The following SEMA3D variants were observed in gnomAD, a reference collection of about 807,000 sequenced individuals.
The protein encoded by SEMA3D is semaphorin-3D.
SEMA3D carries 84 observed loss-of-function variants against 100.1 expected under a neutral mutation model. The ratio of observed to expected loss-of-function variants is 0.84; its 90% confidence interval spans 0.70 to 1.01. The LOEUF (loss-of-function observed/expected upper bound fraction) is 1.01, where lower values mean the gene tolerates loss of function less well. Among genes scored for constraint, SEMA3D ranks in the 50% least tolerant of loss-of-function variants. SEMA3D has a pLI of 0.00. For synonymous variants in SEMA3D, 312 were observed against 320.7 expected (o/e 0.97, Z 0.29); for missense variants, 875 against 934.1 (o/e 0.94, Z 0.82).
intron 1 of SEMA3D, among the ~76,000 whole-genome samples, chr7:85,180,651 T>C (rs982837009): frequency 6.6e-6 from 1 of 152,242 alleles, no homozygotes; most frequent in African/African-American, 2.4e-5. Flanking sequence ...TTACATGGTA[T>C]GGACATTTTT....
At position 84,997,354 on chromosome 7, in the gene SEMA3D, CTA is replaced by C. The variant is rs1003609263; in HGVS notation, c.*2084_*2085del. ...TTCCCACTTAATTGCTTTGAGCTCGCTATGAGTTCCTGGAATATTTTGTCCAA... is the reference window on the plus strand; with the variant it reads ...TTCCCACTTAATTGCTTTGAGCTCGCTGAGTTCCTGGAATATTTTGTCCAA... On this transcript the variant is annotated 3_prime_UTR_variant, in exon 19 of 19. Transcript: ENST00000284136. 5 of 151,954 alleles carry C rather than the reference CTA, an allele frequency of 3.3e-5. No individual in the cohort carries two copies. Among genetic ancestry groups the C allele is most frequent in the African/African-American group, 1.2e-4 (5 of 41,400 alleles). 9.4% of individuals were successfully genotyped at this position (151,954 alleles called of 1,614,324 possible).
At chr7:85,067,142 C>A (rs1791651368) in intron 7 of SEMA3D, among the ~76,000 whole-genome samples, 1 of 152,024 alleles carries the variant, frequency 6.6e-6, no homozygotes, top group African/African-American at 2.4e-5. Flanking sequence ...TATAAAATTG[C>A]AAGTATTTGA....
At chr7:85,056,825 C>T (rs1791330790) in intron 8 of SEMA3D, among the ~76,000 whole-genome samples, 1 of 148,308 alleles carries the variant, frequency 6.7e-6, no homozygotes, top group Non-Finnish European at 1.5e-5. Flanking sequence ...GGAAAAATAT[C>T]CATGCTTTTT....
chr7:85,133,630 C>T (rs1789785458), intron 2 of SEMA3D, among the ~76,000 whole-genome samples: 2 of 151,992 alleles, frequency 1.3e-5, no homozygotes, highest in African/African-American at 4.8e-5. Context: ...AGGGATTGCT[C>T]AGCCTACTGG....
intron 1 of SEMA3D, among the ~76,000 whole-genome samples, chr7:85,156,461 A>T (rs1790600652): frequency 6.6e-6 from 1 of 152,160 alleles, no homozygotes; most frequent in Non-Finnish European, 1.5e-5. Flanking sequence ...AGAATTCTAG[A>T]GCTTGATTCT....
At chr7:85,045,443 G>T (rs1790981201) in intron 9 of SEMA3D, among the ~76,000 whole-genome samples, 1 of 151,748 alleles carries the variant, frequency 6.6e-6, no homozygotes, top group Non-Finnish European at 1.5e-5. Flanking sequence ...CTATATAGTG[G>T]CTCTGTCATA....
intron 3 of SEMA3D, among the ~76,000 whole-genome samples, chr7:85,102,141 C>A (rs1489022038): frequency 6.6e-6 from 1 of 151,856 alleles, no homozygotes; most frequent in Non-Finnish European, 1.5e-5. Flanking sequence ...AAATGTTAAA[C>A]CTTTCAAATA....
At chr7:85,114,203 A>G (rs1305624137) in intron 3 of SEMA3D, among the ~76,000 whole-genome samples, 1 of 152,168 alleles carries the variant, frequency 6.6e-6, no homozygotes, top group Non-Finnish European at 1.5e-5. Flanking sequence ...CACAAAATTA[A>G]TGGTAATTTT....
chr7:85,199,291 G>C, the SEMA3D span, among the ~76,000 whole-genome samples: 1 of 150,556 alleles, frequency 6.6e-6, no homozygotes, highest in Non-Finnish European at 1.5e-5. Flanking sequence ...AGATTATGTT[G>C]CTTAAGTCTT....
At position 85,068,923 on chromosome 7, in the gene SEMA3D, T is replaced by C. The variant is rs138279940; in HGVS notation, c.496-639A>G. 2.8e-3 allele frequency among the ~76,000 whole-genome samples: 429 copies of C among 152,244 alleles called. 1 individual carries two copies. The highest frequency in any genetic ancestry group is 9.8e-3 in the African/African-American group (408 of 41,560). On this transcript the variant is annotated intron_variant, in intron 6 of 18. Transcript: ENST00000284136. The stretch of plus-strand genomic sequence containing the variant: ...TTGGCTGAAACATCTATTTTTATAA[T>C]AGTGACCACAGACAGAATGACATTG...
At chr7:85,071,114 C>T (rs1256802539) in intron 6 of SEMA3D, among the ~76,000 whole-genome samples, 1 of 152,198 alleles carries the variant, frequency 6.6e-6, no homozygotes, top group South Asian at 2.1e-4. Flanking sequence ...CCCCCCTCAG[C>T]AGGTTGCGAG....
intron 12 of SEMA3D, among the ~76,000 whole-genome samples, chr7:85,033,471 T>C (rs1790601549): frequency 6.6e-6 from 1 of 152,110 alleles, no homozygotes; most frequent in Admixed American, 6.6e-5. Context: ...TTGTAAAGCA[T>C]CTTAACTTAC....
chr7:85,090,492 C>A lies in SEMA3D; in HGVS notation c.312+7313G>T, dbSNP rs1029995952. 2.0e-5 allele frequency among the ~76,000 whole-genome samples: 3 copies of A among 152,096 alleles called. No homozygotes were observed. In the South Asian group the frequency reaches 6.2e-4, roughly 32 times the overall value. Reference sequence around the variant, plus strand: ...AGCAAAAGTTAATTTATTAGGATGTCCACATGCTTTCCAAGTATTTCTATT... The same window carrying A: ...AGCAAAAGTTAATTTATTAGGATGTACACATGCTTTCCAAGTATTTCTATT... On this transcript the variant is annotated intron_variant, in intron 4 of 18. Coordinates refer to ENST00000284136, the MANE Select transcript of SEMA3D (RefSeq NM_001384900.1).
chr7:85,146,868 T>C (rs1198082315), intron 2 of SEMA3D, among the ~76,000 whole-genome samples: 1 of 151,836 alleles, frequency 6.6e-6, no homozygotes, highest in Non-Finnish European at 1.5e-5. Flanking sequence ...AGTAGCAAAT[T>C]TAATATGAAC....
At chr7:85,045,874 T>A (rs1790993994) in intron 9 of SEMA3D, among the ~76,000 whole-genome samples, 1 of 151,956 alleles carries the variant, frequency 6.6e-6, no homozygotes. Context: ...CATTTTTTTA[T>A]CAGCTTTCTA....
At chr7:85,158,279 T>C (rs1432780716) in intron 1 of SEMA3D, among the ~76,000 whole-genome samples, 1 of 152,302 alleles carries the variant, frequency 6.6e-6, no homozygotes, top group African/African-American at 2.4e-5. Flanking sequence ...AGGAGAAATA[T>C]TGCTGAATTC....
intron 2 of SEMA3D, among the ~76,000 whole-genome samples, chr7:85,132,303 T>C (rs960695140): frequency 6.6e-6 from 1 of 151,892 alleles, no homozygotes; most frequent in Non-Finnish European, 1.5e-5. Context: ...AGTGAAGCAA[T>C]GTCTCCTAAC....
At chr7:85,122,667 G>T (rs957248693) in intron 2 of SEMA3D, among the ~76,000 whole-genome samples, 11 of 152,082 alleles carry the variant, frequency 7.2e-5, no homozygotes, top group Non-Finnish European at 1.5e-4. Context: ...TGAGTTTAGA[G>T]ACATCTAAAA....
chr7:85,025,100 G>A (rs1337085421), intron 12 of SEMA3D, among the ~76,000 whole-genome samples: 1 of 151,936 alleles, frequency 6.6e-6, no homozygotes, highest in Non-Finnish European at 1.5e-5. Flanking sequence ...CCGTATGTAT[G>A]TACTTTTAAT....
Sources: allele counts gnomAD v4.1 joint callset (sites outside exome capture counted in the v4.1 genomes callset), GRCh38; gene constraint gnomAD v4.1.1; transcripts MANE v1.5; gene names NCBI Gene and HGNC (gene_info 2026-07-23, HGNC 2026-07-21).